The following IPO4 variants were observed in gnomAD, a reference collection of about 807,000 sequenced individuals.
IPO4 encodes importin 4, also known as importin-4.
Under a neutral mutation model 133.5 loss-of-function variants are expected in IPO4, and 91 were observed. The ratio of observed to expected loss-of-function variants is 0.68; its 90% CI spans 0.58 to 0.81. The LOEUF is 0.81. IPO4 is among the 30% of genes least tolerant of loss of function. The pLI is 0.00. For missense variants in IPO4, 1,279 were observed against 1,386.2 expected (o/e 0.92, Z 1.23); for synonymous variants, 607 against 581.6 (o/e 1.04, Z -0.63).
In IPO4 at chr14:24,183,287, C is replaced by T. The variant is rs780775900; in HGVS notation, c.2190G>A (p.Lys730=). ...ALGQFCCALH[K]ACQSCPSEPN... is the part of the protein sequence containing the mutation. ...GTTCCGAGGGGCAGCTTTGACAGGC[C>T]TTGTGCAGTGCACAGCAAAACTGAC... The change falls in exon 22 of 30, where the codon AAG becomes AAA. Residue 730 remains lysine (K), a synonymous_variant. Coordinates refer to ENST00000354464, the MANE Select transcript of IPO4 (RefSeq NM_024658.4). 1 of 1,613,638 alleles carries T rather than the reference C, an allele frequency of 6.2e-7. No homozygotes were observed. The highest frequency in any genetic ancestry group is 1.1e-5 in the South Asian group (1 of 90,948).
chr14:24,186,053 G>T, intron 11 of IPO4, 76 bp downstream of exon 11: 1 of 1,598,214 alleles, frequency 6.3e-7, no homozygotes, highest in Non-Finnish European at 8.6e-7. Context: ...ACCTCCCAGG[G>T]TCTAAACGTC....
intron 28 of IPO4, 25 bp from the exon 29 acceptor site, chr14:24,180,783 A>G: frequency 1.2e-6 from 2 of 1,609,554 alleles, no homozygotes; most frequent in South Asian, 1.1e-5. Context: ...TGGCTGACTC[A>G]GGGCAGCAGC....
Position 24,188,639 on chromosome 14 carries a change from C to T in IPO4, c.70-1G>A. The stretch of plus-strand genomic sequence containing the variant: ...GAACGATCTGGAGCTGTTCCGTGGC[C>T]TGGGGGGAAGCTAGGGGTGAGAGTT... On this transcript the variant is annotated splice_acceptor_variant, in intron 1 of 29. Coordinates refer to ENST00000354464, the MANE Select transcript of IPO4 (RefSeq NM_024658.4). LOFTEE classifies it high-confidence loss of function. 1 of 1,610,494 alleles carries T rather than the reference C, an allele frequency of 6.2e-7. No individual in the cohort carries two copies. Among genetic ancestry groups the T allele is most frequent in the Admixed American group, 1.7e-5 (1 of 59,618 alleles).
intron 4 of IPO4, 173 bp downstream of exon 4, chr14:24,188,043 C>T: frequency 3.8e-6 from 3 of 794,538 alleles, no homozygotes; most frequent in Non-Finnish European, 4.0e-6. Flanking sequence ...TTTGGCAGAT[C>T]ATCATCACCC....
intron 24 of IPO4, 30 bp downstream of exon 24, chr14:24,182,762 C>T: frequency 6.2e-7 from 1 of 1,613,280 alleles, no homozygotes; most frequent in Non-Finnish European, 8.5e-7. Flanking sequence ...CCTGGACCGC[C>T]TGGTCCCCGT....
rs542303871 is a variant in IPO4, at chr14:24,188,757, G to A, written c.31C>T (p.Arg11Trp). The A allele has an allele frequency of 1.1e-4, 176 of 1,533,918 alleles. No individual in the cohort carries two copies. The highest frequency in any genetic ancestry group is 1.4e-4 in the Non-Finnish European group (161 of 1,141,228). Reference sequence around the variant, plus strand: ...TCGGTGTCCGGTAGCAGCAGCTCCCGTAGGAGCTGCTCTAGCCCGGCTGAC... The same window carrying A: ...TCGGTGTCCGGTAGCAGCAGCTCCCATAGGAGCTGCTCTAGCCCGGCTGAC... MESAGLEQLL[R>W]ELLLPDTERI... Residue 11 changes from arginine (R) to tryptophan (W), a missense_variant, in exon 1 of 30, where the codon CGG (arginine) becomes TGG (tryptophan). Arg to Trp is a moderately radical substitution (Grantham distance 101). Transcript: ENST00000354464.
chr14:24,184,938 A>C lies in IPO4; in HGVS notation c.1451T>G (p.Met484Arg). 1 of 1,614,092 alleles carries C rather than the reference A, an allele frequency of 6.2e-7. No homozygotes were observed. Among genetic ancestry groups the C allele is most frequent in the Non-Finnish European group, 8.5e-7 (1 of 1,180,014 alleles). The stretch of plus-strand genomic sequence containing the variant: ...GCTGGGGTTCCTCAGAAGCTGCAGC[A>C]TGCATTCCATAAGCTCCGGAAGGTA... ...QPYLPELMEC[M>R]LQLLRNPSSP... Residue 484 changes from methionine to arginine, a missense_variant, in exon 15 of 30, where the codon ATG becomes AGG. Physicochemically the swap from Met to Arg is moderately conservative, Grantham distance 91. This residue lies in a region of IPO4 where 695 missense variants were observed against 704.1 expected (regional missense o/e 0.99). Coordinates refer to ENST00000354464, the MANE Select transcript of IPO4 (RefSeq NM_024658.4).
intron 4 of IPO4, 168 bp downstream of exon 4, chr14:24,188,048 T>C (rs559080597): frequency 2.1e-5 from 17 of 804,134 alleles, no homozygotes; most frequent in African/African-American, 1.9e-4. Context: ...CAGATCATCA[T>C]CACCCTTCCT....
rs551042370 is a variant in IPO4 at position 24,184,840 on chromosome 14, A to G, written c.1522+27T>C. On this transcript the variant is annotated intron_variant, in intron 15 of 29. Transcript: ENST00000354464. ...CACAGGGCCTTTGGGTGAACCCCAC[A>G]TCCCTGCCTCCTGCCTCTCTCCTCA... is the stretch of plus-strand genomic sequence containing the variant. 9 of 1,608,672 alleles carry G rather than the reference A, an allele frequency of 5.6e-6. No individual in the cohort carries two copies. In the African/African-American group the frequency reaches 1.2e-4, roughly 21 times the overall value.
chr14:24,180,908 A>G (rs981095196), intron 28 of IPO4, 150 bp from the exon 29 acceptor site: 11 of 627,966 alleles, frequency 1.8e-5, no homozygotes, highest in Non-Finnish European at 3.0e-5. Context: ...TATGAACATG[A>G]GAAGAACCAA....
rs768898627 is a variant in IPO4 at position 24,184,359 on chromosome 14, A to C, written c.1696T>G (p.Cys566Gly). 6.2e-7 allele frequency: 1 copy of C among 1,603,826 alleles called. No individual in the cohort carries two copies. The highest frequency in any genetic ancestry group is 8.5e-7 in the Non-Finnish European group (1 of 1,175,582). Residue 566 changes from cysteine to glycine, a missense_variant, in exon 17 of 30, where the codon TGC becomes GGC. Physicochemically the swap from Cys to Gly is radical, Grantham distance 159. Coordinates refer to ENST00000354464, the MANE Select transcript of IPO4 (RefSeq NM_024658.4). ...CAGAGGCCCAGACCCAGCTGGCAGC[A>C]TTCCTCAGCCAGCGGCCTCATGGGC... ...GEPMRPLAEE[C>G]CQLGLGLCDQ...
rs375448099 is a variant in IPO4 at position 24,184,640 on chromosome 14, T to C, written c.1636+10A>G. 9 of 1,572,646 alleles carry C rather than the reference T, an allele frequency of 5.7e-6. No homozygotes were observed. The highest frequency in any genetic ancestry group is 1.4e-5 in the African/African-American group (1 of 73,890). On this transcript the variant is annotated intron_variant, in intron 16 of 29. Coordinates refer to ENST00000354464, the MANE Select transcript of IPO4 (RefSeq NM_024658.4). ...GCACTGGGAGCCCCACCTGGGAACC[T>C]CTCACTCACCCAGGCTCTGGATCTG...
At position 24,184,964 on chromosome 14, in the gene IPO4, G is replaced by C; in HGVS notation, c.1425C>G (p.Pro475=). Residue 475 remains proline, a synonymous_variant, in exon 15 of 30, where the codon CCC becomes CCG. Transcript: ENST00000354464. ...FVENLGPKVQ[P]YLPELMECML... ...TGCATTCCATAAGCTCCGGAAGGTAGGGCTGCACCTTGGGCCCTGTGGGAA... is the reference window on the plus strand; with the variant it reads ...TGCATTCCATAAGCTCCGGAAGGTACGGCTGCACCTTGGGCCCTGTGGGAA... The C allele has an allele frequency of 1.2e-6, 2 of 1,613,876 alleles. No individual in the cohort carries two copies. Among genetic ancestry groups the C allele is most frequent in the Non-Finnish European group, 1.7e-6 (2 of 1,179,934 alleles).
chr14:24,185,344 G>A, intron 13 of IPO4, 32 bp from the exon 14 acceptor site: 1 of 1,613,878 alleles, frequency 6.2e-7, no homozygotes, highest in Non-Finnish European at 8.5e-7. Context: ...GCCTGAGTCA[G>A]GTTCACCTGC....
Position 24,185,176 on chromosome 14 carries a change from T to C in IPO4, c.1408+7A>G, listed in dbSNP as rs747980096. ...CCCTTCCCCAAGCTCCCCACTGCCA[T>C]CACTACCTAGGTTCTCCACAAAATT... On this transcript the variant is annotated splice_region_variant and intron_variant, in intron 14 of 29. Coordinates refer to ENST00000354464, the MANE Select transcript of IPO4 (RefSeq NM_024658.4). 2.6e-5 allele frequency: 42 copies of C among 1,613,694 alleles called. No homozygotes were observed. Among genetic ancestry groups the C allele is most frequent in the Non-Finnish European group, 3.6e-5 (42 of 1,179,868 alleles).
At chr14:24,184,235 G>A in intron 17 of IPO4, 63 bp downstream of exon 17, 1 of 1,560,136 alleles carries the variant, frequency 6.4e-7, no homozygotes. Flanking sequence ...GGATTCCAGT[G>A]GGTCCAGTGG....
At position 24,186,381 on chromosome 14, in the gene IPO4, G is replaced by T. The variant is rs1200116305; in HGVS notation, c.911C>A (p.Pro304Gln). The stretch of plus-strand genomic sequence containing the variant: ...GTCCTCGGGATCCAACTGGCCTGGT[G>T]GGGGCTCAGCAGCCACAATGGGGAA... ...TLFPIVAAEP[P>Q]PGQLDPEDQD... The change falls in exon 10 of 30, where the codon CCA (proline) becomes CAA (glutamine). Residue 304 changes from proline (P) to glutamine (Q), a missense_variant. Physicochemically the swap from Pro to Gln is moderately conservative, Grantham distance 76. This residue lies in a region of IPO4 where 695 missense variants were observed against 704.1 expected (regional missense o/e 0.99). Coordinates refer to ENST00000354464, the MANE Select transcript of IPO4 (RefSeq NM_024658.4). 2 of 1,612,844 alleles carry T rather than the reference G, an allele frequency of 1.2e-6. No individual in the cohort carries two copies. Among genetic ancestry groups the T allele is most frequent in the East Asian group, 2.2e-5 (1 of 44,880 alleles).
rs1451327592 is a variant in IPO4, at chr14:24,186,787, G to C, written c.761C>G (p.Ala254Gly). The C allele has an allele frequency of 1.2e-6, 2 of 1,614,054 alleles. No individual in the cohort carries two copies. Among genetic ancestry groups the C allele is most frequent in the Non-Finnish European group, 1.7e-6 (2 of 1,179,920 alleles). The stretch of plus-strand genomic sequence containing the variant: ...CGCATTGCCCAGGGCCACATTTCTA[G>C]CTACCTGTCCACAGAATAATAAAAA... Reference protein sequence around the residue: ...SEVLTFCLEVARNVALGNAIR... With the variant: ...SEVLTFCLEVGRNVALGNAIR... Residue 254 changes from alanine (A) to glycine (G), a missense_variant, in exon 9 of 30, where the codon GCT (alanine) becomes GGT (glycine). By Grantham distance (60) the Ala-to-Gly change is moderately conservative. Transcript: ENST00000354464.
Position 24,188,652 on chromosome 14 carries a change from AG to A in IPO4, c.70-15del. The A allele has an allele frequency of 1.2e-6, 2 of 1,607,844 alleles. No individual in the cohort carries two copies. Among genetic ancestry groups the A allele is most frequent in the Non-Finnish European group, 8.5e-7 (1 of 1,176,968 alleles). On this transcript the variant is annotated splice_polypyrimidine_tract_variant and intron_variant, in intron 1 of 29. Transcript: ENST00000354464. ...CTGTTCCGTGGCCTGGGGGGAAGCT[AG>A]GGGTGAGAGTTGGGCCTTTCCCGCA...
Sources: allele counts gnomAD v4.1 joint callset, GRCh38; gene constraint gnomAD v4.1.1; regional missense constraint gnomAD v4.1.1; transcripts MANE v1.5; gene names NCBI Gene and HGNC (gene_info 2026-07-23, HGNC 2026-07-21).